LINGO1: variants seen among roughly 807,000 people sequenced by gnomAD.
The protein encoded by LINGO1 is leucine rich repeat and Ig domain containing 1, also known as leucine-rich repeat and immunoglobulin-like domain-containing nogo receptor-interacting protein 1.
LINGO1 carries 11 observed loss-of-function variants against 37.3 expected under a neutral mutation model. The observed-to-expected ratio is 0.29, with a 90% confidence interval of 0.19 to 0.49. The LOEUF is 0.49. Ranked by LOEUF, LINGO1 falls within the 20% of genes least tolerant of loss-of-function variation. The pLI is 0.99. For synonymous variants in LINGO1, 387 were observed against 403.0 expected, an observed-to-expected ratio of 0.96 and a Z score of 0.48; for missense variants, 585 against 878.2, an observed-to-expected ratio of 0.67 and a Z score of 4.22.
At chr15:77,789,560 T>C (rs1187928089), upstream of LINGO1, among the ~76,000 whole-genome samples, 1 of 152,156 alleles carries the variant, frequency 6.6e-6, no homozygotes, top group African/African-American at 2.4e-5. Context: ...TGAGCTGAGA[T>C]AGAGCCACTG....
intron 1 of LINGO1, among the ~76,000 whole-genome samples, chr15:77,744,836 C>G (rs2076297426): frequency 1.3e-5 from 2 of 152,190 alleles, no homozygotes; most frequent in Admixed American, 1.3e-4. Context: ...TGTTTCCTAG[C>G]CGGGCACAGT....
At chr15:77,700,510 A>T (rs2075768862), upstream of LINGO1, among the ~76,000 whole-genome samples, 1 of 152,180 alleles carries the variant, frequency 6.6e-6, no homozygotes, top group African/African-American at 2.4e-5. Flanking sequence ...GTACTCAGAC[A>T]AATGGAGGCA....
intron 1 of LINGO1, among the ~76,000 whole-genome samples, chr15:77,818,671 T>G (rs1244057254): frequency 1.3e-5 from 2 of 152,000 alleles, no homozygotes; most frequent in Non-Finnish European, 2.9e-5. Context: ...AACTGAACCT[T>G]GGTGTCTTCC....
intron 1 of LINGO1, among the ~76,000 whole-genome samples, chr15:77,770,323 C>G (rs527407751): frequency 6.6e-6 from 1 of 152,276 alleles, no homozygotes; most frequent in African/African-American, 2.4e-5. Flanking sequence ...CGCGGTGGCT[C>G]AAGCCTGTAA....
upstream of LINGO1, among the ~76,000 whole-genome samples, chr15:77,700,423 T>C (rs1024254339): frequency 2.0e-5 from 3 of 152,220 alleles, no homozygotes; most frequent in African/African-American, 7.2e-5. Flanking sequence ...TCTACTATGA[T>C]GACAACAACT....
chr15:77,767,617 G>A (rs2076542788), intron 1 of LINGO1, among the ~76,000 whole-genome samples: 1 of 152,210 alleles, frequency 6.6e-6, no homozygotes, highest in Non-Finnish European at 1.5e-5. Flanking sequence ...GAGCAGCACA[G>A]AGGCTCAGGG....
At chr15:77,619,197 AC>A (rs1225817982) in intron 1 of LINGO1, among the ~76,000 whole-genome samples, 1 of 152,156 alleles carries the variant, frequency 6.6e-6, no homozygotes, top group Non-Finnish European at 1.5e-5. Context: ...AGAGTGAGGT[AC>A]CCAGGGGCAG....
chr15:77,750,100 G>A (rs929909357), intron 1 of LINGO1, among the ~76,000 whole-genome samples: 7 of 151,896 alleles, frequency 4.6e-5, no homozygotes, highest in Non-Finnish European at 8.8e-5. Context: ...GAGTGAACAC[G>A]TGCCCTGGAG....
At chr15:77,722,194 C>CCT (rs2076057650) in intron 2 of LINGO1, among the ~76,000 whole-genome samples, 2 of 86,058 alleles carry the variant, frequency 2.3e-5, no homozygotes, top group Non-Finnish European at 5.2e-5. Context: ...TTAAATGGCC[C>CCT]GGTAAAGCTC....
At chr15:77,682,140 T>G (rs565960340) in intron 2 of LINGO1, among the ~76,000 whole-genome samples, 2 of 151,432 alleles carry the variant, frequency 1.3e-5, no homozygotes, top group Non-Finnish European at 2.9e-5. Context: ...AGAAATTCTG[T>G]CTGTGGGTGG....
At chr15:77,776,542 G>GCAGGAAGGCAGGAAGGCAGGAAAGC (rs1429144825) in intron 1 of LINGO1, among the ~76,000 whole-genome samples, 2 of 36,956 alleles carry the variant, frequency 5.4e-5, no homozygotes, top group African/African-American at 9.9e-5. Context: ...GGGAGGGAGG[G>GCAGGAAGGCAGGAAGGCAGGAAAGC]AGGGAGGGAG....
chr15:77,667,604 C>G (rs991323842), intron 3 of LINGO1: 3 of 152,376 alleles, frequency 2.0e-5, no homozygotes, highest in South Asian at 4.1e-4. Context: ...ATCCCACCAT[C>G]AGCCTTGTCA....
At chr15:77,772,503 G>A (rs867325180) in intron 1 of LINGO1, among the ~76,000 whole-genome samples, 1 of 152,062 alleles carries the variant, frequency 6.6e-6, no homozygotes, top group Non-Finnish European at 1.5e-5. Flanking sequence ...CTGAGCAGTC[G>A]GCCTCCCCAG....
chr15:77,695,209 G>A (rs1237469135), intron 1 of LINGO1, among the ~76,000 whole-genome samples: 5 of 152,170 alleles, frequency 3.3e-5, no homozygotes, highest in African/African-American at 9.7e-5. Context: ...CCAAAGGTCC[G>A]GTGCTGTCCC....
intron 1 of LINGO1, among the ~76,000 whole-genome samples, chr15:77,754,564 G>A (rs1029787910): frequency 6.6e-6 from 1 of 152,240 alleles, no homozygotes; most frequent in Non-Finnish European, 1.5e-5. Flanking sequence ...GGGACAGGGC[G>A]ACAGGACGCT....
intron 2 of LINGO1, among the ~76,000 whole-genome samples, chr15:77,685,675 T>G (rs911038494): frequency 1.4e-5 from 2 of 144,546 alleles, no homozygotes; most frequent in Admixed American, 6.9e-5. Flanking sequence ...CTGGGCAACA[T>G]AGTGAGACCC....
chr15:77,706,464 C>G (rs1292014100), intron 2 of LINGO1, among the ~76,000 whole-genome samples: 4 of 152,042 alleles, frequency 2.6e-5, no homozygotes, highest in Non-Finnish European at 5.9e-5. Context: ...AACCCACCCA[C>G]CCTCCTCACT....
intron 1 of LINGO1, among the ~76,000 whole-genome samples, chr15:77,766,254 C>T (rs973550702): frequency 1.5e-5 from 2 of 137,774 alleles, no homozygotes; most frequent in African/African-American, 5.5e-5. Context: ...GCCATGACTG[C>T]ACCACTGCAC....
intron 1 of LINGO1, among the ~76,000 whole-genome samples, chr15:77,751,533 G>A (rs1217097062): frequency 1.3e-5 from 2 of 152,100 alleles, no homozygotes; most frequent in East Asian, 1.9e-4. Context: ...GGGTAGGGGG[G>A]ACACAGAGAA....
Sources: gnomAD v4.1 joint callset for allele counts (sites outside exome capture counted in the v4.1 genomes callset) on GRCh38, gnomAD v4.1.1 for gene constraint, MANE v1.5 for transcripts, NCBI Gene and HGNC (gene_info 2026-07-23, HGNC 2026-07-21) for gene names.